PXDC1: variants seen among roughly 807,000 people sequenced by gnomAD.
PXDC1 encodes the protein PX domain containing 1.
In PXDC1, 13 loss-of-function variants were observed where a neutral mutation model predicts 24.4. The observed-to-expected ratio is 0.53, with a 90% confidence interval of 0.35 to 0.85. PXDC1 has a LOEUF of 0.85. PXDC1 is among the 40% of genes least tolerant of loss of function. The probability of loss-of-function intolerance (pLI) is 0.01; values close to 1 mark genes in which losing one functional copy is unlikely to be tolerated. For synonymous variants in PXDC1, 162 were observed against 124.9 expected (o/e 1.30, Z -1.98); for missense variants, 344 against 309.3 (o/e 1.11, Z -0.84).
chr6:3,727,779 T>C (rs1410511216), intron 3 of PXDC1, 117 bp from the exon 4 acceptor site: 7 of 682,126 alleles, frequency 1.0e-5, no homozygotes, highest in Admixed American at 6.7e-5. Context: ...GTGCCTCTCT[T>C]CCACACCGTA....
chr6:3,751,306 A>C lies in PXDC1; in HGVS notation c.226T>G (p.Ser76Ala). 1 of 1,541,204 alleles carries C rather than the reference A, an allele frequency of 6.5e-7. No homozygotes were observed. The highest frequency in any genetic ancestry group is 1.2e-5 in the South Asian group (1 of 83,538). The part of the protein sequence containing the change: ...RLRDAFPEDR[S>A]ELAQGPLRQG... ...CGCAGCGGCCCCTGCGCCAGTTCGG[A>C]CCGGTCCTCGGGAAAGGCGTCGCGC... The change falls in exon 1 of 5, where the codon TCC becomes GCC. Residue 76 changes from serine to alanine, a missense_variant. Physicochemically the swap from Ser to Ala is moderately conservative, Grantham distance 99 (BLOSUM62 1). Transcript: ENST00000380283.
At chr6:3,750,543 C>T (rs1385466313) in intron 1 of PXDC1, among the ~76,000 whole-genome samples, 1 of 152,166 alleles carries the variant, frequency 6.6e-6, no homozygotes, top group East Asian at 1.9e-4. Flanking sequence ...GCCTGGCCTC[C>T]AAAAGAAAGA....
intron 3 of PXDC1, among the ~76,000 whole-genome samples, chr6:3,729,409 G>C (rs1400372790): frequency 2.0e-5 from 3 of 152,172 alleles, no homozygotes; most frequent in African/African-American, 7.2e-5. Flanking sequence ...AATTCCACCT[G>C]CCTTTCTGGA....
At chr6:3,744,541 G>C (rs112843665) in intron 1 of PXDC1, among the ~76,000 whole-genome samples, 3,878 of 152,324 alleles carry the variant, frequency 0.025, 175 homozygotes, top group African/African-American at 0.089. Flanking sequence ...AGATGGGGAA[G>C]GTGGAGGGCA....
rs2127602879 is a variant in PXDC1, at chr6:3,748,750, G to A, written c.256+2526C>T. Among the ~76,000 whole-genome samples the A allele has an allele frequency of 2.6e-5, 4 of 152,254 alleles. 1 individual carries two copies. The South Asian group carries it at 8.3e-4, about 32-fold the overall frequency. On this transcript the variant is annotated intron_variant, in intron 1 of 4. Transcript: ENST00000380283. ...CCAGCCCACTGCCAGCAGAAGCTCA[G>A]AAATCCAGATTTCCTCACAAATCTC... is the stretch of plus-strand genomic sequence containing the variant.
chr6:3,750,076 G>T (rs1301333967), intron 1 of PXDC1, among the ~76,000 whole-genome samples: 1 of 152,246 alleles, frequency 6.6e-6, no homozygotes, highest in Non-Finnish European at 1.5e-5. Flanking sequence ...GGGCCTTCTC[G>T]CTCAGGGCCC....
chr6:3,743,302 C>A (rs1760489976), intron 1 of PXDC1, among the ~76,000 whole-genome samples: 1 of 152,154 alleles, frequency 6.6e-6, no homozygotes, highest in African/African-American at 2.4e-5. Flanking sequence ...GGACGCGGTT[C>A]CCACACGCAC....
At chr6:3,733,780 C>A (rs112248874) in intron 3 of PXDC1, among the ~76,000 whole-genome samples, 221 of 152,296 alleles carry the variant, frequency 1.5e-3, no homozygotes, top group African/African-American at 5.1e-3. Flanking sequence ...CTGTGCTGAG[C>A]CAAAGTCGCC....
At chr6:3,750,034 G>C (rs530527976) in intron 1 of PXDC1, among the ~76,000 whole-genome samples, 3 of 152,260 alleles carry the variant, frequency 2.0e-5, no homozygotes, top group Non-Finnish European at 2.9e-5. Context: ...ATAAATGTGA[G>C]GCTCTGGGGA....
intron 4 of PXDC1, among the ~76,000 whole-genome samples, chr6:3,726,154 A>T (rs1322266561): frequency 6.6e-6 from 1 of 152,074 alleles, no homozygotes; most frequent in East Asian, 1.9e-4. Flanking sequence ...AACACTGCAG[A>T]CTCAGAGCCT....
At position 3,751,677 on chromosome 6, in the gene PXDC1, C is replaced by G. The variant is rs1760729702; in HGVS notation, c.-146G>C. On this transcript the variant is annotated 5_prime_UTR_variant, in exon 1 of 5. Coordinates refer to ENST00000380283, the MANE Select transcript of PXDC1 (RefSeq NM_183373.4). Reference sequence around the variant, plus strand: ...GTCACTCCAAGGAGGCTGCGTATGGCCCGCGTTCGGGGCAGCGGGGCGGCG... The same window carrying G: ...GTCACTCCAAGGAGGCTGCGTATGGGCCGCGTTCGGGGCAGCGGGGCGGCG... 1 of 1,211,138 alleles carries G rather than the reference C, an allele frequency of 8.3e-7. No individual in the cohort carries two copies. The highest frequency in any genetic ancestry group is 3.1e-4 in the Middle Eastern group (1 of 3,212). 75.0% of individuals were successfully genotyped at this position (1,211,138 alleles called of 1,614,324 possible).
At position 3,751,684 on chromosome 6, in the gene PXDC1, TCGGGGCAG is replaced by T; in HGVS notation, c.-161_-154del. 1.7e-6 allele frequency: 2 copies of T among 1,175,594 alleles called. No individual in the cohort carries two copies. Among genetic ancestry groups the T allele is most frequent in the Non-Finnish European group, 2.1e-6 (2 of 933,742 alleles). 72.8% of individuals were successfully genotyped at this position (1,175,594 alleles called of 1,614,324 possible). On this transcript the variant is annotated 5_prime_UTR_variant, in exon 1 of 5. Transcript: ENST00000380283. ...CAAGGAGGCTGCGTATGGCCCGCGT[TCGGGGCAG>T]CGGGGCGGCGCGGCGGCGAGTGGCT...
chr6:3,745,960 G>A (rs2127602379), intron 1 of PXDC1, among the ~76,000 whole-genome samples: 1 of 152,334 alleles, frequency 6.6e-6, no homozygotes, highest in South Asian at 2.1e-4. Flanking sequence ...CTGTGGGATG[G>A]GGCAAGAGGG....
intron 1 of PXDC1, chr6:3,739,078 GACTA>G (rs1760397547): frequency 2.5e-6 from 3 of 1,180,082 alleles, no homozygotes; most frequent in African/African-American, 1.6e-5. Flanking sequence ...TGGTCACGGA[GACTA>G]ACTTTTTCAG....
At chr6:3,727,485 C>G in intron 4 of PXDC1, 66 bp downstream of exon 4, 1 of 1,117,730 alleles carries the variant, frequency 8.9e-7, no homozygotes, top group Non-Finnish European at 1.3e-6. Context: ...GAACAGTGAG[C>G]CCCCATCCCA....
chr6:3,744,835 C>G (rs1260315972), intron 1 of PXDC1, among the ~76,000 whole-genome samples: 1 of 152,226 alleles, frequency 6.6e-6, no homozygotes, highest in Non-Finnish European at 1.5e-5. Context: ...GCAGCTGGGA[C>G]TACAGGCATG....
rs1759965294 is a variant in PXDC1, at chr6:3,722,623, G to GC, written c.*995_*996insG. ...AACATCCTGGACAGATCAAAGTAGA[G>GC]TCATAGATTTTATTTAATTAAAATA... On this transcript the variant is annotated 3_prime_UTR_variant, in exon 5 of 5. Transcript: ENST00000380283. The GC allele has an allele frequency of 6.6e-6, 1 of 152,622 alleles. No homozygotes were observed. Among genetic ancestry groups the GC allele is most frequent in the Non-Finnish European group, 1.5e-5 (1 of 68,046 alleles). The allele number at this position is 152,622 out of a possible 1,614,324, so 9.5% of individuals were successfully genotyped here.
Position 3,723,485 on chromosome 6 carries a change from C to T in PXDC1, c.*134G>A. On this transcript the variant is annotated 3_prime_UTR_variant, in exon 5 of 5. Transcript: ENST00000380283. ...TCCACTTGCAGGACACCCAGGCCTC[C>T]TGGCGTCAGTGGGGCCTGGGACGTC... 1 of 726,034 alleles carries T rather than the reference C, an allele frequency of 1.4e-6. No homozygotes were observed. The highest frequency in any genetic ancestry group is 2.4e-6 in the Non-Finnish European group (1 of 410,208). 45.0% of individuals were successfully genotyped at this position (726,034 alleles called of 1,614,324 possible). A position where few individuals can be genotyped will look rare whatever the true frequency, so the allele number is the denominator to read the frequency against.
chr6:3,746,552 C>T (rs1210933996), intron 1 of PXDC1, among the ~76,000 whole-genome samples: 1 of 152,084 alleles, frequency 6.6e-6, no homozygotes, highest in Admixed American at 6.5e-5. Flanking sequence ...GGCAGAATGA[C>T]GCAGGTGAAT....
Sources: allele counts gnomAD v4.1 joint callset (sites outside exome capture counted in the v4.1 genomes callset), GRCh38; gene constraint gnomAD v4.1.1; transcripts MANE v1.5; gene names NCBI Gene and HGNC (gene_info 2026-07-23, HGNC 2026-07-21).